NOS1: variants seen among roughly 807,000 people sequenced by gnomAD.
NOS1 encodes NOS type I.
In NOS1, 51 loss-of-function variants were observed where a neutral mutation model predicts 164.5. The ratio of observed to expected loss-of-function variants is 0.31; its 90% CI spans 0.25 to 0.39. NOS1 has a LOEUF of 0.39. NOS1 is among the 10% of genes least tolerant of loss of function. NOS1 has a pLI of 1.00. For synonymous variants in NOS1, 719 were observed against 745.8 expected (o/e 0.96, Z 0.59); for missense variants, 1,362 against 1,885.6 (o/e 0.72, Z 5.14).
At chr12:117,276,815 A>T (rs1873221345) in intron 9 of NOS1, among the ~76,000 whole-genome samples, 1 of 152,174 alleles carries the variant, frequency 6.6e-6, no homozygotes, top group Non-Finnish European at 1.5e-5. Flanking sequence ...ACTGGATCTC[A>T]TTCTTTTTTG....
intron 3 of NOS1, among the ~76,000 whole-genome samples, chr12:117,306,500 C>G (rs192525854): frequency 6.6e-6 from 1 of 152,166 alleles, no homozygotes; most frequent in Admixed American, 6.5e-5. Context: ...ATTACGATAA[C>G]AGCCTTTGAT....
At chr12:117,268,244 T>A (rs1872561068) in intron 10 of NOS1, 100 bp from the exon 11 acceptor site, 1 of 822,560 alleles carries the variant, frequency 1.2e-6, no homozygotes, top group Non-Finnish European at 2.0e-6. Flanking sequence ...TCTTTTCTTT[T>A]TTTTTAAATG....
intron 17 of NOS1, among the ~76,000 whole-genome samples, chr12:117,253,278 G>A (rs927412964): frequency 6.6e-6 from 1 of 152,244 alleles, no homozygotes; most frequent in Middle Eastern, 3.4e-3. Flanking sequence ...TCATAGCAGG[G>A]TGTCTACAGA....
rs1871250204 is a variant in NOS1, at chr12:117,253,701, G to A, written c.2585C>T (p.Ser862Leu). ...SVSSYSDSQK[S>L]SGDGPDLRDN... is the part of the protein sequence containing the mutation. ...TCTGAGGTCGGGCCCATCGCCTGAT[G>A]ATTTTTGGGAGTCAGAGTAGGAGGA... Residue 862 changes from serine (S) to leucine (L), a missense_variant, in exon 17 of 29, where the codon TCA (serine) becomes TTA (leucine). By Grantham distance (145) the Ser-to-Leu change is moderately radical. This residue lies in a region of NOS1 where 737 missense variants were observed against 1,030.3 expected (regional missense o/e 0.72). Coordinates refer to ENST00000317775, the MANE Select transcript of NOS1 (RefSeq NM_000620.5). The A allele has an allele frequency of 6.2e-7, 1 of 1,614,098 alleles. No homozygotes were observed. The highest frequency in any genetic ancestry group is 8.5e-7 in the Non-Finnish European group (1 of 1,180,020).
chr12:117,330,687 G>A lies in NOS1; in HGVS notation c.383C>T (p.Pro128Leu). ...KTIRVTQPLG[P>L]PTKAVDLSHQ... ...GGACAGATCCACGGCTTTGGTGGGG[G>A]GACCCAGGGGCTGTGTCACCCGGAT... is the stretch of plus-strand genomic sequence containing the variant. The change falls in exon 2 of 29, where the codon CCC becomes CTC. Residue 128 changes from proline (P) to leucine (L), a missense_variant. Pro to Leu is a moderately conservative substitution (Grantham distance 98). Around this residue, in one of 4 missense-constraint regions of NOS1, gnomAD observed 362 missense variants for 402.0 expected, o/e 0.90. Transcript: ENST00000317775. The surrounding 1 kb of genome is among the most constrained non-coding windows in gnomAD (Gnocchi z 4.6). 1 of 1,613,526 alleles carries A rather than the reference G, an allele frequency of 6.2e-7. No homozygotes were observed.
Position 117,273,860 on chromosome 12 carries a change from G to A in NOS1, c.1665-1301C>T, listed in dbSNP as rs965758778. On this transcript the variant is annotated intron_variant, in intron 9 of 28. Transcript: ENST00000317775. ...TTTAAAAAAATTAACTTTGAGACCA[G>A]AAACTATAAAACTACTAGAAGAAAA... Among the ~76,000 whole-genome samples the A allele has an allele frequency of 2.0e-5, 3 of 152,058 alleles. No homozygotes were observed. In the South Asian group the frequency reaches 6.2e-4, roughly 32 times the overall value.
rs779708997 is a variant in NOS1, at chr12:117,285,235, G to T, written c.1382+6C>A. 1.3e-5 allele frequency: 21 copies of T among 1,607,770 alleles called. No homozygotes were observed. In the East Asian group the frequency reaches 4.7e-4, roughly 36 times the overall value. ...CTGCTCCCCAGTGCCCAGCTGGTCA[G>T]CTCACCTGAGGTTCCCTTTGTTGGT... On this transcript the variant is annotated splice_donor_region_variant and intron_variant, in intron 7 of 28. Coordinates refer to ENST00000317775, the MANE Select transcript of NOS1 (RefSeq NM_000620.5).
At chr12:117,355,310 A>G (rs1386373227) in intron 1 of NOS1, among the ~76,000 whole-genome samples, 1 of 152,230 alleles carries the variant, frequency 6.6e-6, no homozygotes, top group Non-Finnish European at 1.5e-5. Context: ...CCACCTGAAT[A>G]GGGCCACCTT....
chr12:117,293,218 G>A (rs1443543145), intron 3 of NOS1, among the ~76,000 whole-genome samples: 1 of 152,114 alleles, frequency 6.6e-6, no homozygotes, highest in Non-Finnish European at 1.5e-5. Flanking sequence ...TGCTCCGGAA[G>A]AGTGCAGGCT....
chr12:117,305,077 A>G, intron 3 of NOS1: 1 of 985,352 alleles, frequency 1.0e-6, no homozygotes, highest in Non-Finnish European at 1.2e-6. Context: ...GATTGCAGGT[A>G]GTGGCTGGGT....
chr12:117,343,401 C>T (rs1876208286), intron 1 of NOS1, among the ~76,000 whole-genome samples: 1 of 152,178 alleles, frequency 6.6e-6, no homozygotes, highest in African/African-American at 2.4e-5. Flanking sequence ...CAAGAATCAA[C>T]ATTTCCTAAT....
At position 117,305,789 on chromosome 12, in the gene NOS1, A is replaced by AC. The variant is rs1292541260; in HGVS notation, c.852+5676dup. On this transcript the variant is annotated intron_variant, in intron 3 of 28. Transcript: ENST00000317775. The stretch of plus-strand genomic sequence containing the variant: ...GCCAGGATGATTTCGCAGGCCCGTG[A>AC]CTTTTTTTTTTTTTTTTCCTGAGGC... Among the ~76,000 whole-genome samples the AC allele has an allele frequency of 4.1e-5, 6 of 144,958 alleles. No individual in the cohort carries two copies. In the East Asian group the frequency reaches 1.0e-3, roughly 25 times the overall value.
At chr12:117,270,203 A>G (rs910847785) in intron 10 of NOS1, among the ~76,000 whole-genome samples, 1 of 152,200 alleles carries the variant, frequency 6.6e-6, no homozygotes. Flanking sequence ...CTCTGTCAAT[A>G]CTAGTCACTG....
chr12:117,212,595 T>G lies in NOS1; in HGVS notation c.*2714A>C, dbSNP rs910275815. On this transcript the variant is annotated 3_prime_UTR_variant, in exon 29 of 29. Transcript: ENST00000317775. ...CATTCCTCCTGGCCAAACTCACTTTTGTGAAATGGGGCTGGAGCTGCTACT... is the reference window on the plus strand; with the variant it reads ...CATTCCTCCTGGCCAAACTCACTTTGGTGAAATGGGGCTGGAGCTGCTACT... The G allele has an allele frequency of 3.0e-6, 3 of 985,332 alleles. No homozygotes were observed. The highest frequency in any genetic ancestry group is 3.6e-6 in the Non-Finnish European group (3 of 829,956). 61.0% of individuals were successfully genotyped at this position (985,332 alleles called of 1,614,324 possible).
At chr12:117,281,471 G>A (rs1272342176) in intron 7 of NOS1, among the ~76,000 whole-genome samples, 1 of 122,482 alleles carries the variant, frequency 8.2e-6, no homozygotes, top group Non-Finnish European at 1.6e-5. Flanking sequence ...AGTAAGCCAA[G>A]ATCACACCAC....
At chr12:117,335,729 T>TGGGAGAGA (rs368456314) in intron 1 of NOS1, among the ~76,000 whole-genome samples, 8 of 112,602 alleles carry the variant, frequency 7.1e-5, no homozygotes, top group African/African-American at 2.5e-4. Context: ...ACAGACTATA[T>TGGGAGAGA]GAGAGAGAGA....
At chr12:117,257,992 A>T (rs1176933811) in intron 16 of NOS1, among the ~76,000 whole-genome samples, 2 of 151,568 alleles carry the variant, frequency 1.3e-5, no homozygotes, top group East Asian at 1.9e-4. Flanking sequence ...ATTAGTAGAG[A>T]TGGGGTTTCA....
In NOS1 at chr12:117,272,424, G is replaced by A. The variant is rs771253922; in HGVS notation, c.1800C>T (p.Val600=). ...AGCGGGAGTTGTCACAGTAGTCGCG[G>A]ACACCAATCTCTGTGCCCATGTACC... is the stretch of plus-strand genomic sequence containing the variant. ...SGWYMGTEIG[V]RDYCDNSRYN... The change falls in exon 10 of 29, where the codon GTC becomes GTT. Residue 600 remains valine (V), a synonymous_variant. Transcript: ENST00000317775. This position sits in a 1 kb window ranked among gnomAD's most constrained non-coding sequence, Gnocchi z 4.3. The A allele has an allele frequency of 3.1e-6, 5 of 1,614,138 alleles. No individual in the cohort carries two copies. The highest frequency in any genetic ancestry group is 4.2e-6 in the Non-Finnish European group (5 of 1,180,024).
intron 5 of NOS1, 29 bp downstream of exon 5, chr12:117,288,045 C>T (rs759461794): frequency 2.7e-5 from 43 of 1,612,232 alleles, no homozygotes; most frequent in East Asian, 8.9e-5. Flanking sequence ...TAACTTACCT[C>T]GGGCTCCCCG....
Sources: gnomAD v4.1 joint callset for allele counts (sites outside exome capture counted in the v4.1 genomes callset) on GRCh38, gnomAD v4.1.1 for gene constraint, gnomAD v4.1.1 regional missense constraint, Gnocchi (gnomAD v3.1) non-coding constraint, MANE v1.5 for transcripts, NCBI Gene and HGNC (gene_info 2026-07-23, HGNC 2026-07-21) for gene names.